Variants in COL25A1 observed in about 807,000 individuals in gnomAD.
COL25A1 encodes the protein collagen type XXV alpha 1 chain.
COL25A1 carries 103 observed loss-of-function variants against 128.4 expected under a neutral mutation model. The observed-to-expected ratio is 0.80, with a 90% CI of 0.68 to 0.94. The LOEUF (loss-of-function observed/expected upper bound fraction) is 0.94. Ranked by LOEUF, COL25A1 falls within the 40% of genes least tolerant of loss-of-function variation. The pLI is 0.00. For missense variants in COL25A1, 745 were observed against 840.0 expected, an observed-to-expected ratio of 0.89 and a Z score of 1.40; for synonymous variants, 279 against 277.2, an observed-to-expected ratio of 1.01 and a Z score of -0.06.
At chr4:109,006,395 T>TTC (rs1231541443) in intron 6 of COL25A1, among the ~76,000 whole-genome samples, 3 of 139,942 alleles carry the variant, frequency 2.1e-5, no homozygotes, top group Non-Finnish European at 4.6e-5. Flanking sequence ...TTTTTTTTTT[T>TTC]TTTTTTTTTT....
In COL25A1 at chr4:109,192,427, T is replaced by C. The variant is rs529996180; in HGVS notation, c.367+108156A>G. Among the ~76,000 whole-genome samples the C allele has an allele frequency of 1.7e-4, 26 of 152,270 alleles. No individual in the cohort carries two copies. In the South Asian group the frequency reaches 5.2e-3, roughly 30 times the overall value. On this transcript the variant is annotated intron_variant, in intron 3 of 37. Coordinates refer to ENST00000399132, the MANE Select transcript of COL25A1 (RefSeq NM_198721.4). ...AGGCTGAGTTGTGCCCCTCCCCAAC[T>C]CGTATGTTGAAGTTCTAACCCTCAG...
At chr4:108,853,428 G>A (rs1023185440) in intron 24 of COL25A1, among the ~76,000 whole-genome samples, 1 of 151,762 alleles carries the variant, frequency 6.6e-6, no homozygotes, top group Non-Finnish European at 1.5e-5. Flanking sequence ...GATATTAGTC[G>A]ACATAGAATT....
In COL25A1 at chr4:109,244,142, GA is replaced by G. The variant is rs78318678; in HGVS notation, c.367+56440del. On this transcript the variant is annotated intron_variant, in intron 3 of 37. Coordinates refer to ENST00000399132, the MANE Select transcript of COL25A1 (RefSeq NM_198721.4). ...AGAAGTAAAGAGAAATAGAAAGAAA[GA>G]AAAAAAAAAAAGCATGGTTTTTTTC... Among the ~76,000 whole-genome samples the G allele has an allele frequency of 3.3e-3, 340 of 104,514 alleles. 3 individuals are homozygous for G. The highest frequency in any genetic ancestry group is 7.5e-3 in the African/African-American group (167 of 22,234). The allele number at this position is 104,514 out of a possible 152,430, so 68.6% of individuals were successfully genotyped here.
chr4:109,196,632 CA>C (rs549561937), intron 3 of COL25A1, among the ~76,000 whole-genome samples: 103 of 152,254 alleles, frequency 6.8e-4, no homozygotes, highest in African/African-American at 2.4e-3. Context: ...AAATTTAGTG[CA>C]GCTCAGTGTA....
At chr4:109,286,212 G>A (rs1723877850) in intron 3 of COL25A1, among the ~76,000 whole-genome samples, 1 of 152,230 alleles carries the variant, frequency 6.6e-6, no homozygotes, top group South Asian at 2.1e-4. Context: ...ATGGGATATT[G>A]TGTACCACTT....
At chr4:109,146,814 A>G (rs919455478) in intron 3 of COL25A1, among the ~76,000 whole-genome samples, 4 of 152,228 alleles carry the variant, frequency 2.6e-5, no homozygotes, top group Admixed American at 6.5e-5. Flanking sequence ...TATTTCAATT[A>G]ATGACCTCCA....
At chr4:109,197,443 A>ATATATAT (rs1346254016) in intron 3 of COL25A1, among the ~76,000 whole-genome samples, 31 of 117,980 alleles carry the variant, frequency 2.6e-4, no homozygotes, top group African/African-American at 9.5e-4. Context: ...ATTATATATT[A>ATATATAT]TATATATTAT....
intron 3 of COL25A1, among the ~76,000 whole-genome samples, chr4:109,246,085 G>T (rs1780249773): frequency 6.8e-6 from 1 of 147,490 alleles, no homozygotes; most frequent in African/African-American, 2.5e-5. Flanking sequence ...ACAGCAATAA[G>T]GGTACCTAAA....
intron 8 of COL25A1, among the ~76,000 whole-genome samples, chr4:108,946,022 T>C (rs1748700601): frequency 6.6e-6 from 1 of 152,194 alleles, no homozygotes; most frequent in South Asian, 2.1e-4. Flanking sequence ...AGAAATCGGA[T>C]GTATAAGAGC....
At chr4:109,209,708 C>A (rs1447675536) in intron 3 of COL25A1, among the ~76,000 whole-genome samples, 4 of 151,968 alleles carry the variant, frequency 2.6e-5, no homozygotes, top group Admixed American at 6.6e-5. Flanking sequence ...TATAATGTCC[C>A]CACTGTTTAC....
At chr4:108,965,364 C>A (rs575605280) in intron 8 of COL25A1, among the ~76,000 whole-genome samples, 3 of 152,152 alleles carry the variant, frequency 2.0e-5, no homozygotes, top group Non-Finnish European at 4.4e-5. Flanking sequence ...TTTATCAGGA[C>A]TCTGTGTTAT....
intron 11 of COL25A1, among the ~76,000 whole-genome samples, chr4:108,920,835 T>C (rs747595631): frequency 6.6e-5 from 10 of 152,184 alleles, no homozygotes; most frequent in Non-Finnish European, 1.0e-4. Flanking sequence ...TGATTTCTCC[T>C]CTCTATTAAA....
intron 3 of COL25A1, among the ~76,000 whole-genome samples, chr4:109,078,092 TAAG>T (rs1412755015): frequency 6.6e-6 from 1 of 152,206 alleles, no homozygotes; most frequent in African/African-American, 2.4e-5. Flanking sequence ...GTTTGTCTTT[TAAG>T]AAGATTTTTG....
rs7687871 is a variant in COL25A1, at chr4:109,228,716, A to C, written c.367+71867T>G. Among the ~76,000 whole-genome samples, 1,024 of 152,278 alleles carry C rather than the reference A, an allele frequency of 6.7e-3. 8 individuals carry two copies. The highest frequency in any genetic ancestry group is 0.024 in the African/African-American group (980 of 41,546). ...TGAATTTCACCCAGGCTTTTCCTACAATATGAAAACTTGCTATAGGACTCT... is the reference window on the plus strand; with the variant it reads ...TGAATTTCACCCAGGCTTTTCCTACCATATGAAAACTTGCTATAGGACTCT... On this transcript the variant is annotated intron_variant, in intron 3 of 37. Transcript: ENST00000399132.
chr4:109,112,255 C>T (rs1020476041), intron 3 of COL25A1, among the ~76,000 whole-genome samples: 7 of 152,078 alleles, frequency 4.6e-5, no homozygotes, highest in Admixed American at 2.6e-4. Context: ...TCCTCCCCCA[C>T]TCAACCACCC....
At chr4:109,232,705 G>C (rs1414593269) in intron 3 of COL25A1, among the ~76,000 whole-genome samples, 1 of 152,106 alleles carries the variant, frequency 6.6e-6, no homozygotes, top group African/African-American at 2.4e-5. Flanking sequence ...ATTTGGTCTA[G>C]ACCAGAAAGA....
intron 4 of COL25A1, 45 bp from the exon 5 acceptor site, chr4:109,048,220 G>C: frequency 1.3e-6 from 2 of 1,559,134 alleles, no homozygotes; most frequent in Non-Finnish European, 1.8e-6. Context: ...AGAGGAGTTA[G>C]TGAATATGCA....
intron 3 of COL25A1, among the ~76,000 whole-genome samples, chr4:109,245,099 C>A (rs1296518543): frequency 6.6e-6 from 1 of 151,946 alleles, no homozygotes; most frequent in Non-Finnish European, 1.5e-5. Flanking sequence ...GTTTAAGTGA[C>A]CATATTATAT....
chr4:109,139,129 C>T (rs998633710), intron 3 of COL25A1, among the ~76,000 whole-genome samples: 3 of 152,084 alleles, frequency 2.0e-5, no homozygotes, highest in African/African-American at 7.2e-5. Flanking sequence ...CATTTGTCTT[C>T]TTTTGAGAAG....
Sources: gnomAD v4.1 joint callset for allele counts (sites outside exome capture counted in the v4.1 genomes callset) on GRCh38, gnomAD v4.1.1 for gene constraint, MANE v1.5 for transcripts, NCBI Gene and HGNC (gene_info 2026-07-23, HGNC 2026-07-21) for gene names.